TMEM161B: variants seen among roughly 807,000 people sequenced by gnomAD.
TMEM161B encodes transmembrane protein 161B.
In TMEM161B, 34 loss-of-function variants were observed where a neutral mutation model predicts 61.8. The observed-to-expected ratio is 0.55, with a 90% CI of 0.42 to 0.73. TMEM161B has a LOEUF of 0.73. Ranked by LOEUF, TMEM161B falls within the 30% of genes least tolerant of loss-of-function variation. The pLI is 0.00. For missense variants in TMEM161B, 456 were observed against 558.5 expected (o/e 0.82, Z 1.85); for synonymous variants, 167 against 192.8 (o/e 0.87, Z 1.11).
chr5:88,194,228 T>C (rs1194497690), downstream of TMEM161B, among the ~76,000 whole-genome samples: 1 of 152,186 alleles, frequency 6.6e-6, no homozygotes, highest in Non-Finnish European at 1.5e-5. Context: ...CTCCCGCTTA[T>C]AAAAGAACAT....
At chr5:88,244,146 C>A (rs1316088118) in intron 1 of TMEM161B, among the ~76,000 whole-genome samples, 1 of 151,786 alleles carries the variant, frequency 6.6e-6, no homozygotes, top group Non-Finnish European at 1.5e-5. Flanking sequence ...AATTAGGTCC[C>A]ATCTGCCAAT....
intron 1 of TMEM161B, among the ~76,000 whole-genome samples, chr5:88,267,991 C>G (rs1025269662): frequency 2.6e-5 from 4 of 152,174 alleles, no homozygotes; most frequent in African/African-American, 9.7e-5. Flanking sequence ...AAAACATTAT[C>G]TGGTTACTGC....
At chr5:88,187,686 TG>T (rs1267051608), downstream of TMEM161B, among the ~76,000 whole-genome samples, 3 of 152,218 alleles carry the variant, frequency 2.0e-5, no homozygotes, top group African/African-American at 7.2e-5. Context: ...AGCATTGATA[TG>T]GGTTACTGTT....
chr5:88,239,441 A>T (rs1752384966), intron 2 of TMEM161B, among the ~76,000 whole-genome samples: 1 of 151,996 alleles, frequency 6.6e-6, no homozygotes, highest in Admixed American at 6.6e-5. Flanking sequence ...GCTCATGTTC[A>T]TCTTTTCCTG....
intron 5 of TMEM161B, among the ~76,000 whole-genome samples, chr5:88,213,314 AT>A (rs1285684590): frequency 5.3e-5 from 8 of 152,184 alleles, no homozygotes; most frequent in African/African-American, 1.7e-4. Context: ...GTTAAAAAAA[AT>A]TTTTTAACAA....
downstream of TMEM161B, among the ~76,000 whole-genome samples, chr5:88,189,334 T>C (rs1403951186): frequency 2.0e-5 from 3 of 152,156 alleles, no homozygotes; most frequent in Non-Finnish European, 2.9e-5. Context: ...CGGCTATGCG[T>C]GGACCAGTCA....
chr5:88,199,386 G>A (rs1277461220), intron 9 of TMEM161B: 5 of 353,868 alleles, frequency 1.4e-5, no homozygotes, highest in African/African-American at 2.1e-5. Context: ...GAAGAAAAAA[G>A]TAGAGCAATA....
chr5:88,188,285 T>C (rs1235299270), downstream of TMEM161B, among the ~76,000 whole-genome samples: 1 of 151,578 alleles, frequency 6.6e-6, no homozygotes, highest in African/African-American at 2.4e-5. Context: ...TTGTATTTTT[T>C]TTTTTTTTTT....
chr5:88,191,505 T>G (rs1035193384), downstream of TMEM161B, among the ~76,000 whole-genome samples: 2 of 152,182 alleles, frequency 1.3e-5, no homozygotes, highest in Non-Finnish European at 2.9e-5. Context: ...AATAACCAAA[T>G]GGGTACAAAC....
chr5:88,241,999 A>AT (rs1561399130), intron 1 of TMEM161B, among the ~76,000 whole-genome samples: 1 of 151,662 alleles, frequency 6.6e-6, no homozygotes, highest in Non-Finnish European at 1.5e-5. Flanking sequence ...ACTTTCTTTG[A>AT]TTTTCAGGAA....
At chr5:88,219,821 GA>G (rs763212258) in intron 5 of TMEM161B, among the ~76,000 whole-genome samples, 44 of 152,192 alleles carry the variant, frequency 2.9e-4, no homozygotes, top group Non-Finnish European at 5.1e-4. Context: ...CACCATAGGA[GA>G]ATGTACTCTG....
intron 2 of TMEM161B, among the ~76,000 whole-genome samples, chr5:88,238,404 G>A (rs1752210602): frequency 6.6e-6 from 1 of 151,746 alleles, no homozygotes; most frequent in African/African-American, 2.4e-5. Context: ...ATATTAACAT[G>A]ATATACACAG....
intron 1 of TMEM161B, among the ~76,000 whole-genome samples, chr5:88,255,053 A>T: frequency 6.6e-6 from 1 of 152,188 alleles, no homozygotes; most frequent in East Asian, 1.9e-4. Context: ...ATGTCATAAG[A>T]TAAAAACCAG....
chr5:88,207,004 T>C (rs1745632341), intron 6 of TMEM161B, 25 bp downstream of exon 6: 1 of 1,606,360 alleles, frequency 6.2e-7, no homozygotes, highest in Non-Finnish European at 8.5e-7. Context: ...CAAAATTGAT[T>C]TTTAAAGTTG....
chr5:88,250,704 C>A (rs1405207736), intron 1 of TMEM161B: 1 of 152,280 alleles, frequency 6.6e-6, no homozygotes, highest in East Asian at 1.9e-4. Context: ...CAATTAGGCC[C>A]AAGCACTATG....
chr5:88,236,370 T>C (rs527701169), intron 2 of TMEM161B, among the ~76,000 whole-genome samples: 1 of 152,190 alleles, frequency 6.6e-6, no homozygotes, highest in African/African-American at 2.4e-5. Flanking sequence ...AGTATCCTAC[T>C]CCTCATGCAA....
intron 5 of TMEM161B, among the ~76,000 whole-genome samples, chr5:88,220,204 T>C (rs1748657883): frequency 2.0e-5 from 3 of 151,764 alleles, no homozygotes; most frequent in Non-Finnish European, 4.4e-5. Flanking sequence ...TTTGGGAGAA[T>C]GAAAGAAGGG....
intron 1 of TMEM161B, chr5:88,250,794 T>C (rs537542500): frequency 1.3e-5 from 2 of 152,296 alleles, no homozygotes; most frequent in African/African-American, 4.8e-5. Flanking sequence ...CCGAGCTCAC[T>C]CCCAGTTCCA....
chr5:88,223,928 A>G (rs967766754), intron 4 of TMEM161B, among the ~76,000 whole-genome samples: 1 of 152,068 alleles, frequency 6.6e-6, no homozygotes, highest in African/African-American at 2.4e-5. Flanking sequence ...ATCATATTAG[A>G]CAAGTGATTT....
Sources: allele counts gnomAD v4.1 joint callset (sites outside exome capture counted in the v4.1 genomes callset), GRCh38; gene constraint gnomAD v4.1.1; transcripts MANE v1.5; gene names NCBI Gene and HGNC (gene_info 2026-07-23, HGNC 2026-07-21).